The following DLGAP2 variants were observed in gnomAD, a reference collection of about 807,000 sequenced individuals.
DLGAP2 encodes disks large-associated protein 2.
In DLGAP2, 26 loss-of-function variants were observed where a neutral mutation model predicts 100.3. The observed-to-expected ratio is 0.26, with a 90% CI of 0.19 to 0.36. The LOEUF is 0.36. Ranked by LOEUF, DLGAP2 falls within the 10% of genes least tolerant of loss-of-function variation. The pLI, the probability that DLGAP2 is intolerant of heterozygous loss-of-function variation, is 1.00. For missense variants in DLGAP2, 1,858 were observed against 1,453.2 expected, an observed-to-expected ratio of 1.28 and a Z score of -4.53; for synonymous variants, 886 against 630.1, an observed-to-expected ratio of 1.41 and a Z score of -6.08.
Position 751,023 on chromosome 8 carries a change from G to A in DLGAP2, c.18+13198G>A, listed in dbSNP as rs11987368. 7.7e-3 allele frequency among the ~76,000 whole-genome samples: 1,177 copies of A among 152,054 alleles called. 21 individuals are homozygous for A. Among genetic ancestry groups the A allele is most frequent in the African/African-American group, 0.027 (1,121 of 41,416 alleles). ...GGTGTCGGTAGGCACGCTGATCTCC[G>A]GCCACCCTCTCACGGAAAGGAGCAT... is the stretch of plus-strand genomic sequence containing the variant. On this transcript the variant is annotated intron_variant, in intron 1 of 14. Coordinates refer to ENST00000637795, the MANE Select transcript of DLGAP2 (RefSeq NM_001346810.2).
intron 3 of DLGAP2, among the ~76,000 whole-genome samples, chr8:1,304,321 T>C (rs527867099): frequency 6.6e-6 from 1 of 152,328 alleles, no homozygotes; most frequent in African/African-American, 2.4e-5. Flanking sequence ...GCCCTGATGA[T>C]GAAGACGACA....
At chr8:802,110 A>ACGGCCTGGGGAATGGTCCGCACT (rs1796175251) in intron 1 of DLGAP2, among the ~76,000 whole-genome samples, 11 of 31,064 alleles carry the variant, frequency 3.5e-4, no homozygotes, top group African/African-American at 8.6e-4. Flanking sequence ...TGGTCCACAC[A>ACGGCCTGGGGAATGGTCCGCACT]CCTCCTGGGC....
At chr8:1,162,161 G>T (rs1303315055) in intron 2 of DLGAP2, among the ~76,000 whole-genome samples, 1 of 152,252 alleles carries the variant, frequency 6.6e-6, no homozygotes, top group African/African-American at 2.4e-5. Context: ...CCCGGCAGCA[G>T]GGGCGGCCAG....
At chr8:799,918 G>C (rs1796113318) in intron 1 of DLGAP2, among the ~76,000 whole-genome samples, 1 of 152,174 alleles carries the variant, frequency 6.6e-6, no homozygotes, top group Non-Finnish European at 1.5e-5. Context: ...ATTATTAAAA[G>C]GGCTTAAGTC....
intron 2 of DLGAP2, among the ~76,000 whole-genome samples, chr8:1,194,899 G>C (rs1439477623): frequency 6.6e-6 from 1 of 152,200 alleles, no homozygotes; most frequent in Non-Finnish European, 1.5e-5. Context: ...CTCACGCTTT[G>C]CTGCTGAGAC....
At chr8:1,381,819 G>GTGTA (rs1201255699) in intron 3 of DLGAP2, among the ~76,000 whole-genome samples, 2 of 144,248 alleles carry the variant, frequency 1.4e-5, no homozygotes, top group African/African-American at 5.3e-5. Flanking sequence ...GTGTGTGTGT[G>GTGTA]TGTGTTTGTA....
chr8:957,765 A>G (rs1467441773), intron 2 of DLGAP2, among the ~76,000 whole-genome samples: 1 of 152,248 alleles, frequency 6.6e-6, no homozygotes, highest in Non-Finnish European at 1.5e-5. Context: ...AGCAGAAATG[A>G]ACATTTTAGA....
chr8:1,368,304 C>T (rs1482142006), intron 3 of DLGAP2, among the ~76,000 whole-genome samples: 1 of 151,376 alleles, frequency 6.6e-6, no homozygotes, highest in Non-Finnish European at 1.5e-5. Flanking sequence ...TGTGTATGTG[C>T]ATGTGCATAG....
chr8:1,289,064 T>C (rs1800001903), intron 3 of DLGAP2, among the ~76,000 whole-genome samples: 1 of 152,320 alleles, frequency 6.6e-6, no homozygotes, highest in Non-Finnish European at 1.5e-5. Flanking sequence ...AGAGCCGGTA[T>C]TGCTTCTGTC....
At chr8:1,476,892 C>G (rs13268064) in intron 3 of DLGAP2, among the ~76,000 whole-genome samples, 2 of 152,038 alleles carry the variant, frequency 1.3e-5, no homozygotes, top group East Asian at 1.9e-4. Flanking sequence ...CCCACCAGCC[C>G]CTTCTGCAGA....
chr8:1,287,150 G>GTGTGCGCGCGCGCGCGCGTGGTTC (rs1799940012), intron 3 of DLGAP2, among the ~76,000 whole-genome samples: 1 of 131,964 alleles, frequency 7.6e-6, no homozygotes. Context: ...GTGTGTGTGT[G>GTGTGCGCGCGCGCGCGCGTGGTTC]TGTGTGTGCG....
intron 6 of DLGAP2, among the ~76,000 whole-genome samples, chr8:1,586,010 C>A (rs1796107315): frequency 6.6e-6 from 1 of 152,236 alleles, no homozygotes; most frequent in African/African-American, 2.4e-5. Context: ...TGTACAATTT[C>A]CTTTTTTCTC....
At chr8:1,000,530 C>T (rs1337021562) in intron 2 of DLGAP2, among the ~76,000 whole-genome samples, 4 of 151,790 alleles carry the variant, frequency 2.6e-5, no homozygotes, top group East Asian at 3.9e-4. Flanking sequence ...TTCTATAGAG[C>T]GGACAGATCT....
chr8:1,112,522 G>C (rs1179726934), intron 2 of DLGAP2, among the ~76,000 whole-genome samples: 1 of 152,110 alleles, frequency 6.6e-6, no homozygotes, highest in South Asian at 2.1e-4. Context: ...TTGCAGGCGT[G>C]AGCCACCGCG....
intron 3 of DLGAP2, among the ~76,000 whole-genome samples, chr8:1,447,317 G>C (rs1290771610): frequency 1.3e-5 from 2 of 152,178 alleles, no homozygotes; most frequent in African/African-American, 2.4e-5. Flanking sequence ...TTTTGTCAAA[G>C]GCCTTTTCTG....
intron 12 of DLGAP2, chr8:1,678,900 C>A (rs1798877158): frequency 2.6e-6 from 1 of 382,768 alleles, no homozygotes; most frequent in Admixed American, 4.5e-5. Context: ...TTCTTGGGAG[C>A]ATAGTTGATC....
At chr8:1,470,227 C>T (rs576027543) in intron 3 of DLGAP2, among the ~76,000 whole-genome samples, 6 of 152,162 alleles carry the variant, frequency 3.9e-5, no homozygotes, top group African/African-American at 9.6e-5. Context: ...TGCTTCACTC[C>T]GCTGTCTCGC....
chr8:872,481 G>C (rs1177422158), intron 1 of DLGAP2, among the ~76,000 whole-genome samples: 2 of 151,970 alleles, frequency 1.3e-5, no homozygotes, highest in African/African-American at 4.8e-5. Context: ...TTACAGGCAT[G>C]TGCCACCACG....
At chr8:800,949 C>CT (rs1296107555) in intron 1 of DLGAP2, among the ~76,000 whole-genome samples, 3 of 63,278 alleles carry the variant, frequency 4.7e-5, no homozygotes, top group East Asian at 6.3e-4. Context: ...GCTTGTTGTG[C>CT]CCCCCCACCC....
Sources: allele counts gnomAD v4.1 joint callset (sites outside exome capture counted in the v4.1 genomes callset), GRCh38; gene constraint gnomAD v4.1.1; transcripts MANE v1.5; gene names NCBI Gene and HGNC (gene_info 2026-07-23, HGNC 2026-07-21).